The following NOTCH2 variants were observed in gnomAD, a reference collection of about 807,000 sequenced individuals.
NOTCH2 encodes the protein notch receptor 2.
NOTCH2 carries 29 observed loss-of-function variants against 235.8 expected under a neutral mutation model. The observed-to-expected ratio is 0.12, with a 90% CI of 0.09 to 0.17. The LOEUF (loss-of-function observed/expected upper bound fraction) is 0.17, where lower values mean the gene tolerates loss of function less well. Ranked by LOEUF, NOTCH2 falls within the 10% of genes least tolerant of loss-of-function variation. The probability of loss-of-function intolerance (pLI) is 1.00; values close to 1 mark genes in which losing one functional copy is unlikely to be tolerated. For missense variants in NOTCH2, 2,285 were observed against 3,150.2 expected, an observed-to-expected ratio of 0.73 and a Z score of 6.57; for synonymous variants, 1,086 against 1,141.5, an observed-to-expected ratio of 0.95 and a Z score of 0.98.
chr1:119,949,216 C>A, intron 15 of NOTCH2, 90 bp from the exon 16 acceptor site: 1 of 1,365,764 alleles, frequency 7.3e-7, no homozygotes, highest in South Asian at 1.2e-5. Flanking sequence ...GAATTCAAGT[C>A]AAAAGTCCTG....
At chr1:119,959,296 G>A in intron 12 of NOTCH2, 96 bp downstream of exon 12, 2 of 783,064 alleles carry the variant, frequency 2.6e-6, no homozygotes, top group Non-Finnish European at 2.3e-6. Context: ...GAGTGACAAA[G>A]AAATAGGAAA....
At chr1:120,048,910 CTCAA>C (rs1654905915) in intron 1 of NOTCH2, among the ~76,000 whole-genome samples, 1 of 124,240 alleles carries the variant, frequency 8.0e-6, no homozygotes, top group African/African-American at 3.3e-5. Context: ...AAAATACACA[CTCAA>C]TAAAAAGTTA....
intron 4 of NOTCH2, 176 bp downstream of exon 4, chr1:119,996,821 C>G (rs1553204236): frequency 2.5e-6 from 2 of 790,396 alleles, no homozygotes; most frequent in Admixed American, 1.9e-5. Flanking sequence ...ATCCCCTGCT[C>G]AGTTTATGGA....
chr1:119,923,748 G>C lies in NOTCH2; in HGVS notation c.4748C>G (p.Ser1583Cys). The C allele has an allele frequency of 6.2e-7, 1 of 1,614,156 alleles. No homozygotes were observed. ...GGGGTACACCATGAGTTCCCCCTGGGAGTCCCGCTTAATGCGCAGGTTGGT... is the reference window on the plus strand; with the variant it reads ...GGGGTACACCATGAGTTCCCCCTGGCAGTCCCGCTTAATGCGCAGGTTGGT... ...LHTNLRIKRDSQGELMVYPYY... is the reference protein window; with the variant it reads ...LHTNLRIKRDCQGELMVYPYY... Residue 1583 changes from serine (S) to cysteine (C), a missense_variant, in exon 26 of 34, where the codon TCC becomes TGC. Coordinates refer to ENST00000256646, the MANE Select transcript of NOTCH2 (RefSeq NM_024408.4).
chr1:119,978,909 A>G (rs1240124462), intron 5 of NOTCH2, among the ~76,000 whole-genome samples: 1 of 152,204 alleles, frequency 6.6e-6, no homozygotes, highest in Non-Finnish European at 1.5e-5. Flanking sequence ...ACAACATGGC[A>G]CCTATTAAAA....
chr1:119,959,880 C>T (rs1650869681), intron 11 of NOTCH2, among the ~76,000 whole-genome samples: 1 of 152,184 alleles, frequency 6.6e-6, no homozygotes, highest in South Asian at 2.1e-4. Context: ...CAGTTTCACT[C>T]AAGAGTGGCT....
rs782504912 is a variant in NOTCH2 at position 119,940,769 on chromosome 1, CAG to C, written c.2982-15_2982-14del. The C allele has an allele frequency of 6.2e-7, 1 of 1,610,602 alleles. No homozygotes were observed. Among genetic ancestry groups the C allele is most frequent in the East Asian group, 2.2e-5 (1 of 44,860 alleles). On this transcript the variant is annotated splice_polypyrimidine_tract_variant and intron_variant, in intron 18 of 33. Coordinates refer to ENST00000256646, the MANE Select transcript of NOTCH2 (RefSeq NM_024408.4). ...ATTGAAACAGGAGCTAAGAAGCAAA[CAG>C]AGCAACATCAGCTATGTATCTGGTG...
At chr1:119,948,288 A>G in intron 17 of NOTCH2, 126 bp downstream of exon 17, 1 of 971,444 alleles carries the variant, frequency 1.0e-6, no homozygotes, top group Non-Finnish European at 1.6e-6. Flanking sequence ...ACTGTTAAAT[A>G]TGCTGGATAA....
intron 17 of NOTCH2, among the ~76,000 whole-genome samples, chr1:119,946,848 T>C (rs587601436): frequency 3.3e-5 from 5 of 152,126 alleles, no homozygotes; most frequent in African/African-American, 1.2e-4. Flanking sequence ...GCATACAGGG[T>C]TGAAAAGAAA....
chr1:119,964,371 G>A (rs1262748138), intron 10 of NOTCH2, among the ~76,000 whole-genome samples: 2 of 152,166 alleles, frequency 1.3e-5, no homozygotes, highest in Non-Finnish European at 2.9e-5. Flanking sequence ...TCTTCGAGGT[G>A]TAAATAGACA....
chr1:119,954,917 C>T (rs1438047056), intron 13 of NOTCH2, 123 bp downstream of exon 13: 13 of 936,926 alleles, frequency 1.4e-5, no homozygotes, highest in Non-Finnish European at 2.0e-5. Flanking sequence ...ATGCAGACTA[C>T]CAAATCTTCA....
At chr1:120,033,440 A>G (rs1654175822) in intron 1 of NOTCH2, among the ~76,000 whole-genome samples, 1 of 135,118 alleles carries the variant, frequency 7.4e-6, no homozygotes, top group Non-Finnish European at 1.6e-5. Flanking sequence ...AAAAAAAAAA[A>G]AAGCTGTGGT....
Position 119,923,742 on chromosome 1 carries a change from C to T in NOTCH2, c.4754G>A (p.Gly1585Glu), listed in dbSNP as rs1649366794. 3 of 1,614,032 alleles carry T rather than the reference C, an allele frequency of 1.9e-6. No homozygotes were observed. The highest frequency in any genetic ancestry group is 1.7e-6 in the Non-Finnish European group (2 of 1,180,020). ...TNLRIKRDSQGELMVYPYYGE... is the reference protein window; with the variant it reads ...TNLRIKRDSQEELMVYPYYGE... ...ATAATAGGGGTACACCATGAGTTCC[C>T]CCTGGGAGTCCCGCTTAATGCGCAG... Residue 1585 changes from glycine to glutamate, a missense_variant, in exon 26 of 34, where the codon GGG (glycine) becomes GAG (glutamate). Gly to Glu is a moderately conservative substitution (Grantham distance 98, BLOSUM62 -2). Coordinates refer to ENST00000256646, the MANE Select transcript of NOTCH2 (RefSeq NM_024408.4).
Position 119,921,771 on chromosome 1 carries a change from C to A in NOTCH2, c.5252G>T (p.Gly1751Val), listed in dbSNP as rs923129064. ...GACCCAGTGTTCACTTGTTCCAGTACCAATTAGGTTAGCTTCTGAGACTTG... is the reference window on the plus strand; with the variant it reads ...GACCCAGTGTTCACTTGTTCCAGTAACAATTAGGTTAGCTTCTGAGACTTG... Reference protein sequence around the residue: ...SVQVSEANLIGTGTSEHWVDD... With the variant: ...SVQVSEANLIVTGTSEHWVDD... Residue 1751 changes from glycine to valine, a missense_variant, in exon 29 of 34, where the codon GGT becomes GTT. Gly to Val is a moderately radical substitution (Grantham distance 109). Around this residue, in one of 6 missense-constraint regions of NOTCH2, gnomAD observed 1,173 missense variants for 1,515.3 expected, o/e 0.77. Transcript: ENST00000256646. 1 of 1,614,004 alleles carries A rather than the reference C, an allele frequency of 6.2e-7. No individual in the cohort carries two copies. Among genetic ancestry groups the A allele is most frequent in the East Asian group, 2.2e-5 (1 of 44,888 alleles).
At chr1:119,996,939 A>G in intron 4 of NOTCH2, 58 bp downstream of exon 4, 2 of 1,580,698 alleles carry the variant, frequency 1.3e-6, no homozygotes, top group Non-Finnish European at 1.7e-6. Flanking sequence ...AGCCACACCC[A>G]CTACCTCCTG....
At chr1:120,065,763 A>G (rs587715145) in intron 1 of NOTCH2, among the ~76,000 whole-genome samples, 14 of 152,348 alleles carry the variant, frequency 9.2e-5, no homozygotes, top group African/African-American at 3.4e-4. Context: ...TCATTTGCAG[A>G]GAAAGGGGGA....
rs2101098912 is a variant in NOTCH2, at chr1:119,937,330, G to A, written c.3474C>T (p.Cys1158=). Residue 1158 remains cysteine, a synonymous_variant, in exon 21 of 34, where the codon TGC becomes TGT. Transcript: ENST00000256646. ...EQLDECASNP[C]QHGATCSDFI... is the part of the protein sequence containing the mutation. ...AGTCACTGCATGTTGCCCCGTGCTG[G>A]CAGGGGTTGGACGCACACTCATCGA... is the stretch of plus-strand genomic sequence containing the variant. The A allele has an allele frequency of 1.2e-6, 2 of 1,614,052 alleles. No homozygotes were observed.
intron 2 of NOTCH2, among the ~76,000 whole-genome samples, chr1:120,014,676 A>G (rs1385562758): frequency 8.5e-6 from 1 of 118,248 alleles, no homozygotes; most frequent in Non-Finnish European, 1.7e-5. Flanking sequence ...ACAGATTTCA[A>G]CGAAGCTGGG....
chr1:120,043,185 A>G (rs1553213122), intron 1 of NOTCH2, among the ~76,000 whole-genome samples: 1 of 148,172 alleles, frequency 6.7e-6, no homozygotes, highest in Non-Finnish European at 1.5e-5. Context: ...TTCCATCTAC[A>G]TTCCTCCACC....
Sources: allele counts gnomAD v4.1 joint callset (sites outside exome capture counted in the v4.1 genomes callset), GRCh38; gene constraint gnomAD v4.1.1; regional missense constraint gnomAD v4.1.1; transcripts MANE v1.5; gene names NCBI Gene and HGNC (gene_info 2026-07-23, HGNC 2026-07-21).